ROBO1: variants seen among roughly 807,000 people sequenced by gnomAD.
ROBO1 encodes the protein roundabout homolog 1.
ROBO1 carries 149 observed loss-of-function variants against 195.9 expected under a neutral mutation model. The observed-to-expected ratio is 0.76, with a 90% CI of 0.67 to 0.87. The LOEUF (loss-of-function observed/expected upper bound fraction) is 0.87, where lower values mean the gene tolerates loss of function less well. Ranked by LOEUF, ROBO1 falls within the 40% of genes least tolerant of loss-of-function variation. ROBO1 has a pLI of 0.00. For missense variants in ROBO1, 1,933 were observed against 2,068.3 expected (o/e 0.93, Z 1.27); for synonymous variants, 816 against 733.2 (o/e 1.11, Z -1.82).
At chr3:79,273,361 G>A (rs2030743629) in intron 2 of ROBO1, among the ~76,000 whole-genome samples, 1 of 151,980 alleles carries the variant, frequency 6.6e-6, no homozygotes, top group African/African-American at 2.4e-5. Context: ...TAAAAAACAA[G>A]GGGATGATGT....
At chr3:79,690,645 A>C (rs1947272370) in intron 1 of ROBO1, among the ~76,000 whole-genome samples, 2 of 151,932 alleles carry the variant, frequency 1.3e-5, no homozygotes, top group Non-Finnish European at 2.9e-5. Context: ...AATATAAATA[A>C]ACTTTTTCCA....
chr3:78,618,788 G>A (rs1295851672), intron 26 of ROBO1, among the ~76,000 whole-genome samples: 3 of 152,044 alleles, frequency 2.0e-5, no homozygotes, highest in Non-Finnish European at 4.4e-5. Context: ...CAGAGTTGAG[G>A]ACAAAATGAA....
At chr3:78,696,685 CATACATATATAT>C (rs1438109071) in intron 8 of ROBO1, among the ~76,000 whole-genome samples, 1 of 144,682 alleles carries the variant, frequency 6.9e-6, no homozygotes, top group Non-Finnish European at 1.5e-5. Context: ...TACATGTATA[CATACATATATAT>C]ATACACATAT....
chr3:79,321,402 T>C (rs1445775276), intron 2 of ROBO1, among the ~76,000 whole-genome samples: 1 of 152,236 alleles, frequency 6.6e-6, no homozygotes, highest in Non-Finnish European at 1.5e-5. Flanking sequence ...TGCTATCTTT[T>C]GTGCTCTGAT....
intron 2 of ROBO1, among the ~76,000 whole-genome samples, chr3:79,518,785 C>T (rs976509908): frequency 2.6e-5 from 4 of 151,800 alleles, no homozygotes; most frequent in African/African-American, 9.7e-5. Context: ...AATTCTCCTG[C>T]CTCAGACTCC....
rs140352036 is a variant in ROBO1, at chr3:79,623,847, C to T, written c.-50-33886G>A. ...ATGCAAATTTAGGAAATACAGAGAA[C>T]ACCACTAAGACACTCCATGAGAAGA... is the stretch of plus-strand genomic sequence containing the variant. On this transcript the variant is annotated intron_variant, in intron 1 of 30. Coordinates refer to ENST00000464233, the MANE Select transcript of ROBO1 (RefSeq NM_002941.4). Among the ~76,000 whole-genome samples, 815 of 152,202 alleles carry T rather than the reference C, an allele frequency of 5.4e-3. 5 individuals are homozygous for T. Among genetic ancestry groups the T allele is most frequent in the African/African-American group, 0.019 (777 of 41,544 alleles).
chr3:78,969,995 T>C (rs1281413544), intron 3 of ROBO1, among the ~76,000 whole-genome samples: 1 of 152,164 alleles, frequency 6.6e-6, no homozygotes, highest in African/African-American at 2.4e-5. Flanking sequence ...TATAATCTTT[T>C]TGGATACATA....
At chr3:79,326,617 A>G (rs748248009) in intron 2 of ROBO1, among the ~76,000 whole-genome samples, 1 of 152,196 alleles carries the variant, frequency 6.6e-6, no homozygotes, top group African/African-American at 2.4e-5. Context: ...AGGAAAACCA[A>G]TATGAATTGT....
At chr3:78,959,625 G>C (rs990430002) in intron 3 of ROBO1, among the ~76,000 whole-genome samples, 3 of 152,158 alleles carry the variant, frequency 2.0e-5, no homozygotes, top group Admixed American at 2.0e-4. Context: ...TATAAGTATA[G>C]TAGACAAGGG....
chr3:79,378,392 A>G (rs2036457380), intron 2 of ROBO1, among the ~76,000 whole-genome samples: 1 of 151,994 alleles, frequency 6.6e-6, no homozygotes, highest in African/African-American at 2.4e-5. Flanking sequence ...AGCATTTTCT[A>G]TTCAGCATTC....
At chr3:79,163,260 T>C (rs2081005619) in intron 2 of ROBO1, among the ~76,000 whole-genome samples, 2 of 152,140 alleles carry the variant, frequency 1.3e-5, no homozygotes, top group Non-Finnish European at 2.9e-5. Flanking sequence ...CTATCTCATG[T>C]AAGTGGAATC....
chr3:79,331,182 C>G (rs541698372), intron 2 of ROBO1, among the ~76,000 whole-genome samples: 3 of 152,268 alleles, frequency 2.0e-5, no homozygotes, highest in African/African-American at 7.2e-5. Context: ...AATGCTTCAG[C>G]ATAAATAAGT....
chr3:79,063,857 T>C (rs1422480979), intron 3 of ROBO1, among the ~76,000 whole-genome samples: 1 of 151,862 alleles, frequency 6.6e-6, no homozygotes, highest in East Asian at 1.9e-4. Flanking sequence ...CAGACATCAC[T>C]TAATCTAATC....
intron 3 of ROBO1, among the ~76,000 whole-genome samples, chr3:79,012,734 G>T (rs1450677576): frequency 6.6e-6 from 1 of 152,202 alleles, no homozygotes; most frequent in Non-Finnish European, 1.5e-5. Flanking sequence ...GCTCTCCCAT[G>T]AAGCAAGCAA....
intron 4 of ROBO1, among the ~76,000 whole-genome samples, chr3:78,907,173 A>T (rs2037972948): frequency 6.6e-6 from 1 of 152,220 alleles, no homozygotes; most frequent in East Asian, 1.9e-4. Context: ...TTGCAATGTT[A>T]TGTTAAAATC....
intron 4 of ROBO1, among the ~76,000 whole-genome samples, chr3:78,884,633 G>GAGAAAGAAAGAAAGAGAAAGAA (rs1553755974): frequency 1.1e-5 from 1 of 87,468 alleles, no homozygotes; most frequent in African/African-American, 4.5e-5. Context: ...GAGAAAGAAA[G>GAGAAAGAAAGAAAGAGAAAGAA]AGAAAGAAAG....
At chr3:79,148,202 T>C (rs2080693623) in intron 2 of ROBO1, among the ~76,000 whole-genome samples, 1 of 151,722 alleles carries the variant, frequency 6.6e-6, no homozygotes, top group South Asian at 2.1e-4. Flanking sequence ...AAGAAAGAAA[T>C]GGAAGCACAA....
chr3:78,772,571 G>A (rs560062891), intron 4 of ROBO1, among the ~76,000 whole-genome samples: 7 of 151,938 alleles, frequency 4.6e-5, no homozygotes, highest in African/African-American at 1.7e-4. Context: ...TTTTTTACAG[G>A]TAAATCTATG....
chr3:78,855,193 G>T (rs550424490), intron 4 of ROBO1, among the ~76,000 whole-genome samples: 2 of 151,908 alleles, frequency 1.3e-5, no homozygotes, highest in Non-Finnish European at 2.9e-5. Flanking sequence ...GATCACTTAC[G>T]CTGATTTCAT....
Sources: allele counts gnomAD v4.1 joint callset (sites outside exome capture counted in the v4.1 genomes callset), GRCh38; gene constraint gnomAD v4.1.1; transcripts MANE v1.5; gene names NCBI Gene and HGNC (gene_info 2026-07-23, HGNC 2026-07-21).